The following LAMB1 variants were observed in gnomAD, a reference collection of about 807,000 sequenced individuals.
The protein encoded by LAMB1 is laminin subunit beta-1.
In LAMB1, 121 loss-of-function variants were observed where a neutral mutation model predicts 222.3. That is an observed-to-expected ratio of 0.54 (90% CI 0.47 to 0.63). LAMB1 has a LOEUF of 0.63. Ranked by LOEUF, LAMB1 falls within the 30% of genes least tolerant of loss-of-function variation. The probability of loss-of-function intolerance (pLI) is 0.00; values close to 1 mark genes in which losing one functional copy is unlikely to be tolerated. For missense variants in LAMB1, 2,172 were observed against 2,240.8 expected, an observed-to-expected ratio of 0.97 and a Z score of 0.62; for synonymous variants, 794 against 807.2, an observed-to-expected ratio of 0.98 and a Z score of 0.28.
chr7:107,925,436 A>C (rs56188789), intron 32 of LAMB1, among the ~76,000 whole-genome samples: 12,757 of 152,010 alleles, frequency 0.084, 1,803 homozygotes, highest in African/African-American at 0.29. Flanking sequence ...GCCTGATCTG[A>C]GCTGGAACAG....
intron 9 of LAMB1, among the ~76,000 whole-genome samples, chr7:107,977,725 G>T (rs2033896037): frequency 6.6e-6 from 1 of 152,130 alleles, no homozygotes; most frequent in Non-Finnish European, 1.5e-5. Flanking sequence ...GTTGCAGTGA[G>T]CCGCCTGTGC....
chr7:108,002,691 C>T (rs1223014534), intron 2 of LAMB1, among the ~76,000 whole-genome samples, 158 bp downstream of exon 2: 1 of 152,228 alleles, frequency 6.6e-6, no homozygotes, highest in Non-Finnish European at 1.5e-5. Context: ...CAGCCACCAC[C>T]GAAGCAAGGG....
rs571493019 is a variant in LAMB1 at position 107,969,060 on chromosome 7, G to A, written c.1562+3932C>T. ...TCCCAGCACTTTGGGAGTCCGAGGC[G>A]AGCGGATCAAGAGGTCAGGAGATTG... is the stretch of plus-strand genomic sequence containing the variant. On this transcript the variant is annotated intron_variant, in intron 13 of 33. Coordinates refer to ENST00000222399, the MANE Select transcript of LAMB1 (RefSeq NM_002291.3). 9.5e-4 allele frequency among the ~76,000 whole-genome samples: 144 copies of A among 152,210 alleles called. 2 individuals are homozygous for A. The highest frequency in any genetic ancestry group is 3.1e-3 in the African/African-American group (129 of 41,532).
intron 12 of LAMB1, among the ~76,000 whole-genome samples, chr7:107,974,146 T>C (rs2033806172): frequency 6.6e-6 from 1 of 152,050 alleles, no homozygotes; most frequent in South Asian, 2.1e-4. Flanking sequence ...AATATACATA[T>C]TTAATGGTAA....
chr7:107,984,541 C>G (rs975056657), intron 7 of LAMB1, among the ~76,000 whole-genome samples: 1 of 152,192 alleles, frequency 6.6e-6, no homozygotes, highest in African/African-American at 2.4e-5. Context: ...AGCCTCCACG[C>G]CTGGCCCATG....
chr7:107,964,518 G>T (rs777419258), intron 14 of LAMB1, 34 bp downstream of exon 14: 2 of 1,613,336 alleles, frequency 1.2e-6, no homozygotes, highest in African/African-American at 2.7e-5. Flanking sequence ...CCAAAACACT[G>T]CTTTACCGAC....
rs114995359 is a variant in LAMB1 at position 107,932,140 on chromosome 7, A to G, written c.4392+34T>C. The G allele has an allele frequency of 7.3e-4, 1,171 of 1,594,886 alleles. 7 individuals are homozygous for G. The African/African-American group carries it at 0.013, about 18-fold the overall frequency. ...TTAGTCCACAGCTGAAAGCAAACAT[A>G]CATAACAAAAACTGAGGCCATCCAC... On this transcript the variant is annotated intron_variant, in intron 28 of 33. Transcript: ENST00000222399.
intron 5 of LAMB1, 32 bp from the exon 6 acceptor site, chr7:107,986,395 T>C: frequency 1.3e-6 from 2 of 1,542,022 alleles, no homozygotes; most frequent in African/African-American, 1.4e-5. Context: ...TCATTTGATG[T>C]TTTTTATTGG....
intron 13 of LAMB1, among the ~76,000 whole-genome samples, chr7:107,971,641 T>C (rs1344558642): frequency 6.6e-6 from 1 of 152,216 alleles, no homozygotes; most frequent in African/African-American, 2.4e-5. Flanking sequence ...ATCAGATGAT[T>C]ACCTGCTTTA....
chr7:107,940,306 C>T lies in LAMB1; in HGVS notation c.3444G>A (p.Thr1148=), dbSNP rs753168303. Residue 1148 remains threonine (T), a synonymous_variant, in exon 25 of 34, where the codon ACG becomes ACA. Transcript: ENST00000222399. ...CACCCTCAACGCAGACACACTGGCC[C>T]GTGGACTGGTCACACTGTGGCGTCT... ...GIETPQCDQS[T]GQCVCVEGVE... is the part of the protein sequence containing the mutation. 30 of 1,614,066 alleles carry T rather than the reference C, an allele frequency of 1.9e-5. No individual in the cohort carries two copies. The highest frequency in any genetic ancestry group is 2.2e-5 in the Non-Finnish European group (26 of 1,180,038).
intron 20 of LAMB1, among the ~76,000 whole-genome samples, chr7:107,956,133 G>A (rs2033371225): frequency 6.6e-6 from 1 of 151,892 alleles, no homozygotes; most frequent in Non-Finnish European, 1.5e-5. Context: ...CTGATCTCAG[G>A]TGATCCACCC....
At position 107,961,554 on chromosome 7, in the gene LAMB1, G is replaced by A. The variant is rs2033501379; in HGVS notation, c.1980C>T (p.Gly660=). The A allele has an allele frequency of 6.2e-7, 1 of 1,613,418 alleles. No homozygotes were observed. Among genetic ancestry groups the A allele is most frequent in the Admixed American group, 1.7e-5 (1 of 59,986 alleles). ...CAAACCACCGTCACACTGACCTTGA[G>A]CCTGGTGATAATGACACCACCTGGT... The part of the protein sequence containing the change: ...DDNQVVSLSP[G]SRYVVLPRPV... Residue 660 remains glycine (G), a synonymous_variant, in exon 16 of 34, where the codon GGC becomes GGT. Coordinates refer to ENST00000222399, the MANE Select transcript of LAMB1 (RefSeq NM_002291.3).
At chr7:107,926,817 A>T (rs2032577941) in intron 31 of LAMB1, among the ~76,000 whole-genome samples, 1 of 152,206 alleles carries the variant, frequency 6.6e-6, no homozygotes, top group African/African-American at 2.4e-5. Context: ...CTAATTACTG[A>T]AGACATGGAG....
At chr7:107,960,418 C>A in intron 18 of LAMB1, 27 bp downstream of exon 18, 6 of 1,577,532 alleles carry the variant, frequency 3.8e-6, no homozygotes, top group Non-Finnish European at 5.2e-6. Flanking sequence ...GAAACAGCAG[C>A]TGCTGCAGCT....
At chr7:107,971,388 A>G (rs2150436194) in intron 13 of LAMB1, among the ~76,000 whole-genome samples, 1 of 152,298 alleles carries the variant, frequency 6.6e-6, no homozygotes, top group Admixed American at 6.5e-5. Context: ...ATTGCAACAA[A>G]CCAATCATCC....
Position 107,953,817 on chromosome 7 carries a change from C to T in LAMB1, c.2855-63G>A, listed in dbSNP as rs1348351116. 1.2e-5 allele frequency: 17 copies of T among 1,395,738 alleles called. No individual in the cohort carries two copies. In the Admixed American group the frequency reaches 2.9e-4, roughly 23 times the overall value. 86.5% of individuals were successfully genotyped at this position (1,395,738 alleles called of 1,614,324 possible). ...TATTGACTGAAAGCTCACCAGTGCA[C>T]CGACACTCATGCCTAGAGAGAGCTG... On this transcript the variant is annotated intron_variant, in intron 21 of 33. Transcript: ENST00000222399.
chr7:107,962,426 C>T (rs1337861916), intron 15 of LAMB1, among the ~76,000 whole-genome samples: 1 of 152,158 alleles, frequency 6.6e-6, no homozygotes, highest in Non-Finnish European at 1.5e-5. Flanking sequence ...GAAAATGGTA[C>T]GTTTTGACTG....
intron 2 of LAMB1, 52 bp from the exon 3 acceptor site, chr7:108,001,785 C>A (rs1382827407): frequency 1.3e-6 from 2 of 1,596,056 alleles, no homozygotes; most frequent in African/African-American, 1.3e-5. Flanking sequence ...GGGAGTGGAG[C>A]CCGAAAAAAA....
chr7:107,955,660 T>C lies in LAMB1; in HGVS notation c.2691-30A>G, dbSNP rs749010219. 5.0e-6 allele frequency: 8 copies of C among 1,585,162 alleles called. No individual in the cohort carries two copies. The East Asian group carries it at 1.6e-4, about 31-fold the overall frequency. ...ATCAGTCACAGAAGAGAACAGGCCA[T>C]GACCCCACAGTTCTAAGAAACCTGT... On this transcript the variant is annotated intron_variant, in intron 20 of 33. Transcript: ENST00000222399.
Sources: gnomAD v4.1 joint callset for allele counts (sites outside exome capture counted in the v4.1 genomes callset) on GRCh38, gnomAD v4.1.1 for gene constraint, MANE v1.5 for transcripts, NCBI Gene and HGNC (gene_info 2026-07-23, HGNC 2026-07-21) for gene names.